Variants in MMP26 observed in about 807,000 individuals in gnomAD.
MMP26 encodes the protein matrix metallopeptidase 26, also known as matrix metalloproteinase-26.
MMP26 carries 33 observed loss-of-function variants against 31.0 expected under a neutral mutation model. That is an observed-to-expected ratio of 1.06 (90% CI 0.81 to 1.42). The LOEUF (loss-of-function observed/expected upper bound fraction) is 1.42. MMP26 is among the 40% of genes most tolerant of loss of function. MMP26 has a pLI of 0.00. For synonymous variants in MMP26, 122 were observed against 114.9 expected (o/e 1.06, Z -0.40); for missense variants, 347 against 316.1 (o/e 1.10, Z -0.74).
chr11:4,833,441 A>C (rs1849673026), intron 2 of MMP26, among the ~76,000 whole-genome samples: 1 of 152,198 alleles, frequency 6.6e-6, no homozygotes, highest in Non-Finnish European at 1.5e-5. Flanking sequence ...GGTACTATTT[A>C]ACATCTTGAT....
chr11:4,785,642 T>G (rs12806476), intron 2 of MMP26, among the ~76,000 whole-genome samples: 14,444 of 152,288 alleles, frequency 0.095, 859 homozygotes, highest in Middle Eastern at 0.15. Flanking sequence ...CCTAATTCAC[T>G]ATACATAAAA....
intron 1 of MMP26, among the ~76,000 whole-genome samples, chr11:4,709,108 GA>G (rs1847823523): frequency 6.6e-6 from 1 of 151,998 alleles, no homozygotes; most frequent in African/African-American, 2.4e-5. Context: ...GGGTCACATG[GA>G]CTTATAAACT....
intron 2 of MMP26, among the ~76,000 whole-genome samples, chr11:4,906,658 A>G (rs1850894235): frequency 6.6e-6 from 1 of 152,192 alleles, no homozygotes; most frequent in East Asian, 1.9e-4. Context: ...TTCTACATAA[A>G]GCTCAGAGAT....
At chr11:4,821,696 G>C in intron 2 of MMP26, 1 of 1,613,954 alleles carries the variant, frequency 6.2e-7, no homozygotes, top group Non-Finnish European at 8.5e-7. Flanking sequence ...TTTGAAGCCC[G>C]AGAAATCAAC....
intron 2 of MMP26, chr11:4,943,942 T>C: frequency 2.4e-6 from 1 of 417,184 alleles, no homozygotes; most frequent in South Asian, 1.7e-5. Context: ...TAAGATGCTA[T>C]TAAAGCCACC....
intron 2 of MMP26, among the ~76,000 whole-genome samples, chr11:4,795,838 GA>G (rs1849099791): frequency 1.4e-5 from 2 of 140,388 alleles, no homozygotes; most frequent in Non-Finnish European, 3.2e-5. Flanking sequence ...GAAAGAGAGA[GA>G]GAGGGAGAGA....
At chr11:4,862,920 C>A (rs1833940539) in intron 2 of MMP26, among the ~76,000 whole-genome samples, 1 of 152,102 alleles carries the variant, frequency 6.6e-6, no homozygotes, top group African/African-American at 2.4e-5. Context: ...CCTGCCTAAC[C>A]TTCTGCCTGC....
At chr11:4,823,044 T>A (rs11034079) in intron 2 of MMP26, among the ~76,000 whole-genome samples, 10,547 of 152,194 alleles carry the variant, frequency 0.069, 504 homozygotes, top group Middle Eastern at 0.13. Flanking sequence ...TTTATCTTGG[T>A]GTAAGAGAAT....
In MMP26 at chr11:4,740,011, C is replaced by T. The variant is rs568337209; in HGVS notation, c.-216-27259C>T. Among the ~76,000 whole-genome samples, 19 of 152,218 alleles carry T rather than the reference C, an allele frequency of 1.2e-4. 1 individual carries two copies. Among genetic ancestry groups the T allele is most frequent in the Middle Eastern group, 6.8e-3 (2 of 294 alleles). The stretch of plus-strand genomic sequence containing the variant: ...GGCAAAGGTCTCATATAGAAAATTT[C>T]AGGTATGGATTATAGTGAGTATGGA... On this transcript the variant is annotated intron_variant, in intron 1 of 7. Coordinates refer to ENST00000380390, the MANE Select transcript of MMP26 (RefSeq NM_021801.5).
chr11:4,769,516 G>A, intron 2 of MMP26: 1 of 1,613,818 alleles, frequency 6.2e-7, no homozygotes, highest in Non-Finnish European at 8.5e-7. Context: ...GAATGGTAGT[G>A]TACCTCAGAG....
At chr11:4,719,729 A>T (rs1391653348) in intron 1 of MMP26, among the ~76,000 whole-genome samples, 1 of 152,224 alleles carries the variant, frequency 6.6e-6, no homozygotes, top group Non-Finnish European at 1.5e-5. Flanking sequence ...TGAGCTGAAG[A>T]TTCTCAAGGA....
intron 2 of MMP26, chr11:4,848,716 G>T: frequency 6.2e-7 from 1 of 1,614,116 alleles, no homozygotes; most frequent in Non-Finnish European, 8.5e-7. Flanking sequence ...GGCAGGGGCA[G>T]ATGGAGACCC....
At chr11:4,936,242 C>G (rs886299567) in intron 2 of MMP26, among the ~76,000 whole-genome samples, 1 of 150,054 alleles carries the variant, frequency 6.7e-6, no homozygotes, top group Non-Finnish European at 1.5e-5. Context: ...TTGATTATTG[C>G]CACAATTTCA....
intron 3 of MMP26, among the ~76,000 whole-genome samples, chr11:4,989,322 C>T (rs985237113): frequency 8.5e-5 from 13 of 152,278 alleles, no homozygotes; most frequent in African/African-American, 3.1e-4. Flanking sequence ...AGACCAGAGG[C>T]CATCTTCCCC....
intron 1 of MMP26, among the ~76,000 whole-genome samples, chr11:4,743,914 T>A (rs1848346520): frequency 6.6e-6 from 1 of 152,092 alleles, no homozygotes; most frequent in Non-Finnish European, 1.5e-5. Context: ...CAAGTGATAC[T>A]CCCGCCTCAA....
At chr11:4,815,404 G>C (rs1454978847) in intron 2 of MMP26, among the ~76,000 whole-genome samples, 1 of 152,170 alleles carries the variant, frequency 6.6e-6, no homozygotes, top group Non-Finnish European at 1.5e-5. Flanking sequence ...CAAATTGAGA[G>C]GCAGGTATGT....
intron 2 of MMP26, among the ~76,000 whole-genome samples, chr11:4,972,674 T>C (rs990630576): frequency 1.3e-5 from 2 of 151,256 alleles, no homozygotes; most frequent in Non-Finnish European, 1.5e-5. Flanking sequence ...AATATTATTT[T>C]AATCATTATG....
rs77349686 is a variant in MMP26, at chr11:4,812,611, G to C, written c.-145+45270G>C. Among the ~76,000 whole-genome samples the C allele has an allele frequency of 4.0e-3, 603 of 152,300 alleles. 4 individuals carry two copies. The highest frequency in any genetic ancestry group is 0.014 in the African/African-American group (567 of 41,570). On this transcript the variant is annotated intron_variant, in intron 2 of 7. Transcript: ENST00000380390. ...AATCCAGTATGTTGCAGGTGCAAAGGGTTGGATAGAGGGAACAATCTATGT... is the reference window on the plus strand; with the variant it reads ...AATCCAGTATGTTGCAGGTGCAAAGCGTTGGATAGAGGGAACAATCTATGT...
At chr11:4,740,773 C>T (rs775668255) in intron 1 of MMP26, among the ~76,000 whole-genome samples, 1 of 151,856 alleles carries the variant, frequency 6.6e-6, no homozygotes, top group Admixed American at 6.6e-5. Context: ...TAATTCATAC[C>T]ATTTTAGAGT....
Sources: allele counts gnomAD v4.1 joint callset (sites outside exome capture counted in the v4.1 genomes callset), GRCh38; gene constraint gnomAD v4.1.1; transcripts MANE v1.5; gene names NCBI Gene and HGNC (gene_info 2026-07-23, HGNC 2026-07-21).